FLRT1: variants seen among roughly 807,000 people sequenced by gnomAD.
FLRT1 encodes the protein fibronectin leucine rich transmembrane protein 1.
In FLRT1, 14 loss-of-function variants were observed where a neutral mutation model predicts 30.9. The ratio of observed to expected loss-of-function variants is 0.45; its 90% CI spans 0.30 to 0.71. The LOEUF is 0.71. FLRT1 is among the 30% of genes least tolerant of loss of function. The probability of loss-of-function intolerance (pLI) is 0.08; values close to 1 mark genes in which losing one functional copy is unlikely to be tolerated. For synonymous variants in FLRT1, 368 were observed against 430.4 expected (o/e 0.85, Z 1.80); for missense variants, 737 against 949.2 (o/e 0.78, Z 2.94).
intron 1 of FLRT1, among the ~76,000 whole-genome samples, chr11:64,074,075 G>T (rs550427626): frequency 2.6e-5 from 4 of 152,306 alleles, no homozygotes; most frequent in African/African-American, 9.6e-5. Context: ...GGGGGTGGGG[G>T]GAATACCCCC....
chr11:64,092,030 C>A (rs1428855649), intron 1 of FLRT1, among the ~76,000 whole-genome samples: 1 of 152,182 alleles, frequency 6.6e-6, no homozygotes, highest in East Asian at 1.9e-4. Context: ...ATCTCAGCTC[C>A]TGAGGGTCCC....
Position 64,068,502 on chromosome 11 carries a change from T to C in FLRT1, c.-1038+32343T>C, listed in dbSNP as rs570453777. Among the ~76,000 whole-genome samples the C allele has an allele frequency of 5.3e-5, 8 of 152,250 alleles. No individual in the cohort carries two copies. In the East Asian group the frequency reaches 1.2e-3, roughly 22 times the overall value. On this transcript the variant is annotated intron_variant, in intron 1 of 2. Transcript: ENST00000682287. ...ATTGGAGCCCTCCACAAACATGAGGTCCTAGGATAACGATGGTTGTCTCCC... is the reference window on the plus strand; with the variant it reads ...ATTGGAGCCCTCCACAAACATGAGGCCCTAGGATAACGATGGTTGTCTCCC...
At chr11:64,078,378 A>G (rs1944242186) in intron 1 of FLRT1, among the ~76,000 whole-genome samples, 1 of 152,186 alleles carries the variant, frequency 6.6e-6, no homozygotes, top group South Asian at 2.1e-4. Flanking sequence ...AGCTGCTCTC[A>G]GGGGGCTGAA....
chr11:64,068,173 G>A (rs544147464), intron 1 of FLRT1, among the ~76,000 whole-genome samples: 5 of 152,338 alleles, frequency 3.3e-5, no homozygotes, highest in Non-Finnish European at 5.9e-5. Context: ...CAGGACTCAC[G>A]CTTCGGGAGT....
intron 1 of FLRT1, among the ~76,000 whole-genome samples, chr11:64,060,018 C>G (rs920275053): frequency 5.9e-5 from 9 of 152,188 alleles, no homozygotes; most frequent in Non-Finnish European, 1.2e-4. Flanking sequence ...CAGGGGCCCC[C>G]CTCCCACACG....
intron 1 of FLRT1, among the ~76,000 whole-genome samples, chr11:64,089,764 T>TG (rs1183524506): frequency 6.6e-6 from 1 of 151,990 alleles, no homozygotes; most frequent in African/African-American, 2.4e-5. Context: ...GCCAGTCCCG[T>TG]GGGGGCAGGG....
At chr11:64,061,702 CT>C (rs35179984) in intron 1 of FLRT1, among the ~76,000 whole-genome samples, 4,778 of 141,632 alleles carry the variant, frequency 0.034, 203 homozygotes, top group African/African-American at 0.11. Context: ...GTAAATGAGA[CT>C]TTTTTTTTTT....
At chr11:64,054,762 C>G (rs1332349778) in intron 1 of FLRT1, among the ~76,000 whole-genome samples, 1 of 152,126 alleles carries the variant, frequency 6.6e-6, no homozygotes, top group Non-Finnish European at 1.5e-5. Context: ...CCTGGCCAGC[C>G]CCTTCCTGCC....
intron 1 of FLRT1, among the ~76,000 whole-genome samples, chr11:64,053,999 C>G (rs1943740277): frequency 6.6e-6 from 1 of 152,182 alleles, no homozygotes; most frequent in Non-Finnish European, 1.5e-5. Flanking sequence ...GCACTGTGAT[C>G]TAGTTGACTC....
intron 1 of FLRT1, among the ~76,000 whole-genome samples, chr11:64,073,507 T>G (rs1191464682): frequency 6.6e-6 from 1 of 152,250 alleles, no homozygotes; most frequent in Non-Finnish European, 1.5e-5. Flanking sequence ...AAGGATTAGC[T>G]GAGGTCCTCT....
intron 1 of FLRT1, among the ~76,000 whole-genome samples, chr11:64,073,938 G>T (rs76068999): frequency 1.2e-3 from 187 of 152,286 alleles, no homozygotes; most frequent in African/African-American, 4.2e-3. Flanking sequence ...AGGTCAGGGA[G>T]GGAGGCTGGG....
Position 64,090,701 on chromosome 11 carries a change from A to G in FLRT1, c.-1037-12493A>G, listed in dbSNP as rs1944473921. On this transcript the variant is annotated intron_variant, in intron 1 of 2. Transcript: ENST00000682287. This position sits in a 1 kb window ranked among gnomAD's most constrained non-coding sequence, Gnocchi z 4.7. The stretch of plus-strand genomic sequence containing the variant: ...TTCTCTGAGGCGGGGACGTCCCAAG[A>G]CTAAAATGGGGGCAGGGGTGGCAGC... 6.6e-6 allele frequency among the ~76,000 whole-genome samples: 1 copy of G among 151,906 alleles called. No homozygotes were observed. The highest frequency in any genetic ancestry group is 1.5e-5 in the Non-Finnish European group (1 of 67,976).
Position 64,079,010 on chromosome 11 carries a change from G to C in FLRT1, c.-1037-24184G>C, listed in dbSNP as rs181080944. On this transcript the variant is annotated intron_variant, in intron 1 of 2. Coordinates refer to ENST00000682287, the MANE Select transcript of FLRT1 (RefSeq NM_013280.5). ...AACATGGATTTGTTCTGAGGGGAGG[G>C]TGGTGATGGGACTGGGTTCCCAGGG... 4.4e-3 allele frequency among the ~76,000 whole-genome samples: 677 copies of C among 152,206 alleles called. 7 individuals are homozygous for C. The highest frequency in any genetic ancestry group is 0.016 in the African/African-American group (645 of 41,498).
rs1357945018 is a variant in FLRT1, at chr11:64,064,135, T to G, written c.-1038+27976T>G. On this transcript the variant is annotated intron_variant, in intron 1 of 2. Transcript: ENST00000682287. This position sits in a 1 kb window ranked among gnomAD's most constrained non-coding sequence, Gnocchi z 4.5. ...CCAAGCCCCTCGGTCTCTCCCACTCTCCCTTTCAGCATCTTCTCTCTCTTG... is the reference window on the plus strand; with the variant it reads ...CCAAGCCCCTCGGTCTCTCCCACTCGCCCTTTCAGCATCTTCTCTCTCTTG... Among the ~76,000 whole-genome samples, 1 of 152,098 alleles carries G rather than the reference T, an allele frequency of 6.6e-6. No individual in the cohort carries two copies. Among genetic ancestry groups the G allele is most frequent in the Non-Finnish European group, 1.5e-5 (1 of 68,014 alleles).
chr11:64,072,836 C>T lies in FLRT1; in HGVS notation c.-1037-30358C>T, dbSNP rs150597085. ...GTGGCTCAGTGGTCCCCAACCAGAG[C>T]GTCTGAGGGTCTGTGAACCCCGAAT... On this transcript the variant is annotated intron_variant, in intron 1 of 2. Coordinates refer to ENST00000682287, the MANE Select transcript of FLRT1 (RefSeq NM_013280.5). Among the ~76,000 whole-genome samples, 426 of 152,320 alleles carry T rather than the reference C, an allele frequency of 2.8e-3. 2 individuals carry two copies. Among genetic ancestry groups the T allele is most frequent in the African/African-American group, 9.7e-3 (404 of 41,548 alleles).
chr11:64,091,702 G>A (rs1322784703), intron 1 of FLRT1, among the ~76,000 whole-genome samples: 1 of 152,164 alleles, frequency 6.6e-6, no homozygotes, highest in African/African-American at 2.4e-5. Context: ...GAAGTTGCAC[G>A]AGGGGCCCCA....
intron 1 of FLRT1, among the ~76,000 whole-genome samples, chr11:64,060,000 G>A (rs980226021): frequency 4.6e-5 from 7 of 152,176 alleles, no homozygotes; most frequent in Non-Finnish European, 8.8e-5. Flanking sequence ...AGGGCGGTGC[G>A]GGACGTCCAG....
chr11:64,081,537 A>G (rs1944303632), intron 1 of FLRT1, among the ~76,000 whole-genome samples: 1 of 152,028 alleles, frequency 6.6e-6, no homozygotes, highest in Admixed American at 6.6e-5. Context: ...CACCCCCCCG[A>G]CCCCATCGCA....
chr11:64,062,601 C>T (rs1190855343), intron 1 of FLRT1, among the ~76,000 whole-genome samples: 2 of 151,388 alleles, frequency 1.3e-5, no homozygotes, highest in Admixed American at 1.3e-4. Flanking sequence ...CAGGCACTGT[C>T]CTGGGCGCTG....
Sources: gnomAD v4.1 joint callset for allele counts (sites outside exome capture counted in the v4.1 genomes callset) on GRCh38, gnomAD v4.1.1 for gene constraint, Gnocchi (gnomAD v3.1) non-coding constraint, MANE v1.5 for transcripts, NCBI Gene and HGNC (gene_info 2026-07-23, HGNC 2026-07-21) for gene names.